The following CFAP299 variants were observed in gnomAD, a reference collection of about 807,000 sequenced individuals.
CFAP299 encodes the protein cilia and flagella associated protein 299, also known as cilia- and flagella-associated protein 299.
A neutral mutation model predicts 27.0 loss-of-function variants in CFAP299; 21 were observed. The observed-to-expected ratio is 0.78, with a 90% CI of 0.55 to 1.12. CFAP299 has a LOEUF of 1.12. CFAP299 is among the 50% of genes most tolerant of loss of function. CFAP299 has a pLI of 0.00. For synonymous variants in CFAP299, 104 were observed against 98.1 expected (o/e 1.06, Z -0.36); for missense variants, 310 against 276.6 (o/e 1.12, Z -0.86).
At chr4:80,657,620 G>C (rs1272507524) in intron 3 of CFAP299, among the ~76,000 whole-genome samples, 2 of 151,988 alleles carry the variant, frequency 1.3e-5, no homozygotes. Context: ...ATGCTGTTTT[G>C]GTTACTGTAA....
At chr4:80,446,677 G>T (rs1402340634) in intron 2 of CFAP299, among the ~76,000 whole-genome samples, 2 of 152,016 alleles carry the variant, frequency 1.3e-5, no homozygotes, top group African/African-American at 2.4e-5. Flanking sequence ...ACATCACATT[G>T]TAAGACTGAA....
chr4:80,602,463 C>G (rs935865606), intron 3 of CFAP299, among the ~76,000 whole-genome samples: 1 of 151,956 alleles, frequency 6.6e-6, no homozygotes, highest in African/African-American at 2.4e-5. Flanking sequence ...TAATTTTTTC[C>G]AAAGTTCAAG....
intron 5 of CFAP299, among the ~76,000 whole-genome samples, chr4:80,958,610 G>A (rs771712028): frequency 4.6e-5 from 7 of 152,090 alleles, no homozygotes; most frequent in Non-Finnish European, 7.4e-5. Context: ...AAAATGAAAC[G>A]TTAAGACAAT....
chr4:80,714,732 T>A (rs1325647105), intron 3 of CFAP299, among the ~76,000 whole-genome samples: 1 of 152,030 alleles, frequency 6.6e-6, no homozygotes, highest in Non-Finnish European at 1.5e-5. Context: ...CTTTGGAAAC[T>A]ACAAAAGTTG....
At chr4:80,508,198 T>G (rs1732125731) in intron 2 of CFAP299, among the ~76,000 whole-genome samples, 1 of 152,234 alleles carries the variant, frequency 6.6e-6, no homozygotes, top group Non-Finnish European at 1.5e-5. Context: ...GTTTTTGATT[T>G]TTAAATTTTA....
At chr4:80,864,196 T>A (rs909531977) in intron 3 of CFAP299, among the ~76,000 whole-genome samples, 16 of 151,888 alleles carry the variant, frequency 1.1e-4, no homozygotes, top group Admixed American at 2.0e-4. Context: ...TTTAAAAATG[T>A]TTTTAGTTAA....
intron 3 of CFAP299, among the ~76,000 whole-genome samples, chr4:80,789,166 T>C (rs949816886): frequency 2.0e-5 from 3 of 152,068 alleles, no homozygotes; most frequent in Non-Finnish European, 4.4e-5. Context: ...TGAATAGCTG[T>C]TATCTGTATA....
At chr4:80,646,988 A>AGAGAGT (rs1491189749) in intron 3 of CFAP299, among the ~76,000 whole-genome samples, 3 of 31,040 alleles carry the variant, frequency 9.7e-5, no homozygotes, top group Admixed American at 3.0e-4. Context: ...AGAGAGAGAG[A>AGAGAGT]GTGTGTGTGT....
chr4:80,954,795 C>T (rs1028456376), intron 5 of CFAP299, among the ~76,000 whole-genome samples: 3 of 151,616 alleles, frequency 2.0e-5, no homozygotes, highest in Non-Finnish European at 4.4e-5. Flanking sequence ...GTCAGGTGAT[C>T]GAGACCATCC....
At chr4:80,763,320 A>G (rs1440773725) in intron 3 of CFAP299, among the ~76,000 whole-genome samples, 2 of 152,210 alleles carry the variant, frequency 1.3e-5, no homozygotes, top group East Asian at 1.9e-4. Context: ...ATAGACAATC[A>G]GAGAGCCAAA....
intron 2 of CFAP299, among the ~76,000 whole-genome samples, chr4:80,396,640 GT>G (rs570392712): frequency 5.4e-4 from 82 of 152,228 alleles, no homozygotes; most frequent in African/African-American, 1.9e-3. Context: ...AGATAATCAT[GT>G]GGTTTTTGTC....
chr4:80,341,496 T>C (rs1722449819), intron 1 of CFAP299, among the ~76,000 whole-genome samples: 1 of 152,188 alleles, frequency 6.6e-6, no homozygotes, highest in African/African-American at 2.4e-5. Context: ...GCTGCCATCT[T>C]TGCTGTTTCA....
intron 3 of CFAP299, among the ~76,000 whole-genome samples, chr4:80,773,171 G>A (rs889747713): frequency 1.3e-5 from 2 of 152,086 alleles, no homozygotes; most frequent in African/African-American, 4.8e-5. Context: ...TGTAACCACA[G>A]AATTGGTAAA....
chr4:80,740,482 CTG>C (rs931739596), intron 3 of CFAP299, among the ~76,000 whole-genome samples: 47 of 152,298 alleles, frequency 3.1e-4, no homozygotes, highest in Non-Finnish European at 4.7e-4. Context: ...CATAATCTCT[CTG>C]TGTGTGCTGA....
chr4:80,811,521 G>T (rs895973815), intron 3 of CFAP299, among the ~76,000 whole-genome samples: 3 of 152,134 alleles, frequency 2.0e-5, no homozygotes, highest in Non-Finnish European at 4.4e-5. Context: ...CCAAGGCCAC[G>T]GGTTTGATCT....
intron 5 of CFAP299, among the ~76,000 whole-genome samples, chr4:80,960,585 A>G (rs1175069907): frequency 6.6e-6 from 1 of 151,820 alleles, no homozygotes; most frequent in Admixed American, 6.6e-5. Context: ...TATCCCCACT[A>G]TTATATACTA....
intron 2 of CFAP299, among the ~76,000 whole-genome samples, chr4:80,538,346 G>A (rs1733842347): frequency 6.6e-6 from 1 of 151,536 alleles, no homozygotes; most frequent in South Asian, 2.1e-4. Flanking sequence ...AAAAGTTATA[G>A]CAAGCTAAGG....
intron 2 of CFAP299, among the ~76,000 whole-genome samples, chr4:80,512,502 T>A (rs939828134): frequency 2.0e-5 from 3 of 152,114 alleles, no homozygotes; most frequent in African/African-American, 7.2e-5. Context: ...GAAGATGTGG[T>A]CATCAGGGCT....
intron 2 of CFAP299, chr4:80,388,791 AC>A (rs1560542175): frequency 4.5e-6 from 2 of 441,068 alleles, no homozygotes; most frequent in Non-Finnish European, 8.0e-6. Flanking sequence ...TGTTAGTCAT[AC>A]CTGCAAACAA....
Sources: gnomAD v4.1 joint callset for allele counts (sites outside exome capture counted in the v4.1 genomes callset) on GRCh38, gnomAD v4.1.1 for gene constraint, MANE v1.5 for transcripts, NCBI Gene and HGNC (gene_info 2026-07-23, HGNC 2026-07-21) for gene names.